FGF13: variants seen among roughly 807,000 people sequenced by gnomAD.
The protein encoded by FGF13 is fibroblast growth factor homologous factor 2.
FGF13 carries 2 observed loss-of-function variants against 19.5 expected under a neutral mutation model. The observed-to-expected ratio is 0.10, with a 90% CI of 0.04 to 0.32. The LOEUF is 0.32. Among genes scored for constraint, FGF13 ranks in the 10% least tolerant of loss-of-function variants. The pLI, the probability that FGF13 is intolerant of heterozygous loss-of-function variation, is 1.00. For missense variants in FGF13, 113 were observed against 192.7 expected (o/e 0.59, Z 2.45); for synonymous variants, 72 against 76.9 (o/e 0.94, Z 0.33).
chrX:138,870,402 A>C (rs1334155635), intron 1 of FGF13, among the ~76,000 whole-genome samples: 1 of 112,234 alleles, frequency 8.9e-6, no homozygotes, highest in South Asian at 3.7e-4. Flanking sequence ...CGATTAACCC[A>C]GCTATCAAGA....
intron 1 of FGF13, among the ~76,000 whole-genome samples, chrX:139,142,079 G>GA (rs914223205): frequency 1.2e-4 from 13 of 111,616 alleles, no homozygotes; most frequent in African/African-American, 3.9e-4. Context: ...ATAGGCAAGT[G>GA]AAAAAAACCC....
rs868714626 is a variant in FGF13 at position 138,619,610 on chromosome X, A to C, written c.*13240T>G. On this transcript the variant is annotated 3_prime_UTR_variant, in exon 5 of 5. Transcript: ENST00000315930. ...AATATCCAGAATCTACAAGGAATTT[A>C]AGCAAATATACAAGAAAAAAAAAAC... 1 of 111,211 alleles carries C rather than the reference A, an allele frequency of 9.0e-6. No individual in the cohort carries two copies. The highest frequency in any genetic ancestry group is 1.9e-5 in the Non-Finnish European group (1 of 52,926). 9.2% of individuals were successfully genotyped at this position (111,211 alleles called of 1,213,427 possible).
chrX:138,966,468 C>A (rs954612510), intron 1 of FGF13, among the ~76,000 whole-genome samples: 14 of 112,099 alleles, frequency 1.2e-4, no homozygotes, highest in African/African-American at 4.2e-4. Flanking sequence ...TTTGACTGCC[C>A]CACTGGATTT....
rs760462832 is a variant in FGF13, at chrX:138,677,543, G to C, written c.402+25441C>G. Among the ~76,000 whole-genome samples, 15 of 111,103 alleles carry C rather than the reference G, an allele frequency of 1.4e-4. No individual in the cohort carries two copies. In the Admixed American group the frequency reaches 1.4e-3, roughly 11 times the overall value. ...GGACATGAACAGACACTTCTCAAAA[G>C]AAGACATTTATGCAGCCAAAAAACA... On this transcript the variant is annotated intron_variant, in intron 3 of 4. Coordinates refer to ENST00000315930, the MANE Select transcript of FGF13 (RefSeq NM_004114.5).
chrX:139,074,344 G>A (rs1316185558), intron 1 of FGF13, among the ~76,000 whole-genome samples: 2 of 112,070 alleles, frequency 1.8e-5, no homozygotes, highest in Non-Finnish European at 1.9e-5. Context: ...TAGTTAACAC[G>A]TATAAGGGAG....
Position 138,984,623 on chromosome X carries a change from A to AGGAGGAAGAG in FGF13, c.-112-119974_-112-119973insCTCTTCCTCC, listed in dbSNP as rs1569436239. Among the ~76,000 whole-genome samples, 2 of 23,799 alleles carry AGGAGGAAGAG rather than the reference A, an allele frequency of 8.4e-5. 1 individual carries two copies. Among genetic ancestry groups the AGGAGGAAGAG allele is most frequent in the Non-Finnish European group, 1.8e-4 (2 of 11,394 alleles). The allele number at this position is 23,799 out of a possible 115,157, so 20.7% of individuals were successfully genotyped here. On this transcript the variant is annotated intron_variant, in intron 1 of 2. Transcript: ENST00000421460. ...AGGAGGAGGAGGAGGAGGATGAGGA[A>AGGAGGAAGAG]GAGGAGGAGGAGGAGGAGGAGAAGA...
At chrX:138,897,594 C>T (rs1026046392) in intron 1 of FGF13, among the ~76,000 whole-genome samples, 1 of 111,990 alleles carries the variant, frequency 8.9e-6, no homozygotes, top group East Asian at 2.8e-4. Context: ...ACACACTTGT[C>T]ATATCTCTGT....
intron 1 of FGF13, among the ~76,000 whole-genome samples, chrX:138,958,038 C>A (rs2091849771): frequency 9.0e-6 from 1 of 111,573 alleles, no homozygotes; most frequent in Admixed American, 9.6e-5. Flanking sequence ...GCCTGATTGC[C>A]CTGGCCAGAA....
At chrX:138,761,319 A>G (rs926884148) in intron 3 of FGF13, among the ~76,000 whole-genome samples, 4 of 111,638 alleles carry the variant, frequency 3.6e-5, no homozygotes, top group African/African-American at 1.3e-4. Flanking sequence ...CAAAGGTCAC[A>G]GACACAATTT....
chrX:138,746,992 C>T (rs758487583), intron 3 of FGF13, among the ~76,000 whole-genome samples: 5 of 111,445 alleles, frequency 4.5e-5, no homozygotes, highest in East Asian at 5.7e-4. Flanking sequence ...CTGTTTCCCT[C>T]GTAACCAGGG....
intron 1 of FGF13, among the ~76,000 whole-genome samples, chrX:138,931,682 G>A (rs999297541): frequency 3.6e-5 from 4 of 111,444 alleles, no homozygotes; most frequent in Admixed American, 9.5e-5. Context: ...TCTGCTGTTC[G>A]TATACAAAAG....
Position 138,694,451 on chromosome X carries a change from C to A in FGF13, c.402+8533G>T, listed in dbSNP as rs190627232. Among the ~76,000 whole-genome samples, 676 of 88,257 alleles carry A rather than the reference C, an allele frequency of 7.7e-3. 4 individuals carry two copies. Among genetic ancestry groups the A allele is most frequent in the African/African-American group, 0.026 (645 of 24,531 alleles). 76.6% of individuals were successfully genotyped at this position (88,257 alleles called of 115,157 possible). On this transcript the variant is annotated intron_variant, in intron 3 of 4. Coordinates refer to ENST00000315930, the MANE Select transcript of FGF13 (RefSeq NM_004114.5). ...AATTTTTTCTTTTTTCTTTTCTTTT[C>A]TTTTTTTTTTTTTTTTTGAGATGGA... is the stretch of plus-strand genomic sequence containing the variant.
chrX:139,060,538 T>G (rs1249564610), intron 1 of FGF13, among the ~76,000 whole-genome samples: 1 of 112,093 alleles, frequency 8.9e-6, no homozygotes, highest in East Asian at 2.8e-4. Context: ...GTTCACAGAC[T>G]GCTTTTTGGT....
intron 1 of FGF13, among the ~76,000 whole-genome samples, chrX:138,979,053 T>C (rs148795110): frequency 0.012 from 1,377 of 112,257 alleles, 25 homozygotes; most frequent in African/African-American, 0.042. Context: ...TCACCTTACC[T>C]GCTTCAACTG....
Position 138,624,244 on chromosome X carries a change from A to G in FGF13, c.*8606T>C, listed in dbSNP as rs2089038262. 1.8e-5 allele frequency: 2 copies of G among 112,140 alleles called. No homozygotes were observed. The highest frequency in any genetic ancestry group is 7.4e-4 in the South Asian group (2 of 2,692). 9.2% of individuals were successfully genotyped at this position (112,140 alleles called of 1,213,427 possible). The stretch of plus-strand genomic sequence containing the variant: ...AAGCAGACACATAGACCAATGGAAC[A>G]GAATAGAAAGCCAAGAAACAAATCC... On this transcript the variant is annotated 3_prime_UTR_variant, in exon 5 of 5. Coordinates refer to ENST00000315930, the MANE Select transcript of FGF13 (RefSeq NM_004114.5).
intron 1 of FGF13, among the ~76,000 whole-genome samples, chrX:138,984,523 GGAAGAAGAAGAAGAA>G (rs1209275314): frequency 2.2e-4 from 7 of 31,587 alleles, no homozygotes; most frequent in South Asian, 3.2e-3. Flanking sequence ...AAGAAGAAGA[GGAAGAAGAAGAAGAA>G]GAAGAAGAAG....
At chrX:138,992,451 T>C (rs2092020849) in intron 1 of FGF13, among the ~76,000 whole-genome samples, 1 of 111,465 alleles carries the variant, frequency 9.0e-6, no homozygotes, top group African/African-American at 3.3e-5. Context: ...AAATCACCCA[T>C]ATTTTCTTCT....
intron 1 of FGF13, among the ~76,000 whole-genome samples, chrX:139,079,704 A>T (rs1367937552): frequency 9.0e-6 from 1 of 111,314 alleles, no homozygotes; most frequent in African/African-American, 3.3e-5. Flanking sequence ...CAACTTTAAC[A>T]TGTAAAGTCT....
intron 4 of FGF13, among the ~76,000 whole-genome samples, chrX:138,633,481 T>C (rs1569350013): frequency 8.9e-6 from 1 of 111,970 alleles, no homozygotes; most frequent in Non-Finnish European, 1.9e-5. Flanking sequence ...AATAAACCTC[T>C]TAGAAGTTTA....
Sources: gnomAD v4.1 joint callset for allele counts (sites outside exome capture counted in the v4.1 genomes callset) on GRCh38, gnomAD v4.1.1 for gene constraint, MANE v1.5 for transcripts, NCBI Gene and HGNC (gene_info 2026-07-23, HGNC 2026-07-21) for gene names.